The following HCN1 variants were observed in gnomAD, a reference collection of about 807,000 sequenced individuals.
HCN1 encodes potassium/sodium hyperpolarization-activated cyclic nucleotide-gated channel 1.
A neutral mutation model predicts 78.9 loss-of-function variants in HCN1; 13 were observed. That is an observed-to-expected ratio of 0.16 (90% CI 0.11 to 0.26). The LOEUF (loss-of-function observed/expected upper bound fraction) is 0.26, where lower values mean the gene tolerates loss of function less well. Ranked by LOEUF, HCN1 falls within the 10% of genes least tolerant of loss-of-function variation. The probability of loss-of-function intolerance (pLI) is 1.00; values close to 1 mark genes in which losing one functional copy is unlikely to be tolerated. For synonymous variants in HCN1, 552 were observed against 455.5 expected, an observed-to-expected ratio of 1.21 and a Z score of -2.70; for missense variants, 810 against 1,154.3, an observed-to-expected ratio of 0.70 and a Z score of 4.32.
intron 2 of HCN1, chr5:45,559,028 T>TGGGATTACA (rs2111872480): frequency 6.6e-6 from 1 of 150,492 alleles, no homozygotes; most frequent in African/African-American, 2.5e-5. Context: ...CCAAAACTCC[T>TGGGATTACA]GGGATTACAG....
At chr5:45,267,695 G>T (rs1047130712) in intron 6 of HCN1, among the ~76,000 whole-genome samples, 2 of 152,138 alleles carry the variant, frequency 1.3e-5, no homozygotes, top group Non-Finnish European at 2.9e-5. Context: ...TTGAACCTGG[G>T]AGGCAGAGGT....
rs1163915227 is a variant in HCN1, at chr5:45,571,744, G to A, written c.849+73441C>T. ...AGCCTGACTAACATGGTGAAACCCC[G>A]TCTCTACTAAATACAAAAAATTAGC... On this transcript the variant is annotated intron_variant, in intron 2 of 7. Coordinates refer to ENST00000303230, the MANE Select transcript of HCN1 (RefSeq NM_021072.4). 4.6e-5 allele frequency among the ~76,000 whole-genome samples: 7 copies of A among 152,046 alleles called. 1 individual carries two copies. The highest frequency in any genetic ancestry group is 3.9e-4 in the East Asian group (2 of 5,140).
At chr5:45,317,586 C>T (rs1487847668) in intron 5 of HCN1, among the ~76,000 whole-genome samples, 2 of 152,058 alleles carry the variant, frequency 1.3e-5, no homozygotes, top group East Asian at 1.9e-4. Context: ...AACTAAAGAG[C>T]TTCTGCACAG....
intron 4 of HCN1, among the ~76,000 whole-genome samples, chr5:45,373,637 A>G (rs1056673472): frequency 1.5e-5 from 2 of 134,856 alleles, no homozygotes; most frequent in Admixed American, 1.7e-4. Context: ...TACGGTATAT[A>G]CGTCATCTAT....
chr5:45,393,582 G>C (rs1476898052), intron 4 of HCN1, among the ~76,000 whole-genome samples: 1 of 152,094 alleles, frequency 6.6e-6, no homozygotes, highest in African/African-American at 2.4e-5. Flanking sequence ...TGGAGGCTTG[G>C]CATGAAGGTC....
chr5:45,322,494 C>A (rs948792047), intron 5 of HCN1, among the ~76,000 whole-genome samples: 4 of 151,758 alleles, frequency 2.6e-5, no homozygotes, highest in Non-Finnish European at 5.9e-5. Context: ...GTGGCAGATT[C>A]TTGATTTTTC....
At chr5:45,651,267 T>C (rs373134890) in intron 1 of HCN1, among the ~76,000 whole-genome samples, 13 of 151,978 alleles carry the variant, frequency 8.6e-5, no homozygotes, top group African/African-American at 3.1e-4. Flanking sequence ...TAACTTCTCA[T>C]GAAATATAGC....
chr5:45,625,332 A>C (rs183973219), intron 2 of HCN1, among the ~76,000 whole-genome samples: 103 of 151,738 alleles, frequency 6.8e-4, no homozygotes, highest in African/African-American at 1.9e-3. Flanking sequence ...CAAAACAAAA[A>C]AAACTATTAA....
chr5:45,300,781 T>A (rs969594419), intron 6 of HCN1, among the ~76,000 whole-genome samples: 1 of 152,078 alleles, frequency 6.6e-6, no homozygotes, highest in African/African-American at 2.4e-5. Context: ...CTCTTTCTTT[T>A]TCCCCTTCAT....
chr5:45,582,120 C>T (rs566937431), intron 2 of HCN1, among the ~76,000 whole-genome samples: 1 of 152,212 alleles, frequency 6.6e-6, no homozygotes, highest in South Asian at 2.1e-4. Flanking sequence ...GCAGTATGGC[C>T]ATTTTCACGG....
At chr5:45,485,395 A>T (rs557389308) in intron 2 of HCN1, among the ~76,000 whole-genome samples, 27 of 152,222 alleles carry the variant, frequency 1.8e-4, no homozygotes, top group East Asian at 3.9e-4. Context: ...GTACATAAAA[A>T]TTTTTTAGAA....
intron 5 of HCN1, among the ~76,000 whole-genome samples, chr5:45,350,939 G>A (rs1746885694): frequency 6.6e-6 from 1 of 152,126 alleles, no homozygotes; most frequent in Admixed American, 6.5e-5. Context: ...TCGTGAAAAT[G>A]GCCATACTGC....
intron 5 of HCN1, among the ~76,000 whole-genome samples, chr5:45,317,449 A>C (rs1746018511): frequency 6.6e-6 from 1 of 152,230 alleles, no homozygotes; most frequent in Non-Finnish European, 1.5e-5. Flanking sequence ...TAGACCTAAA[A>C]CCATAAAAAC....
intron 3 of HCN1, among the ~76,000 whole-genome samples, chr5:45,435,688 G>T (rs538842033): frequency 1.9e-4 from 29 of 152,116 alleles, no homozygotes; most frequent in South Asian, 6.2e-4. Flanking sequence ...AAGAAGAAAA[G>T]ATATTAAATG....
intron 2 of HCN1, among the ~76,000 whole-genome samples, chr5:45,464,300 T>A (rs1488176881): frequency 6.6e-6 from 1 of 152,124 alleles, no homozygotes; most frequent in East Asian, 1.9e-4. Context: ...GTTTTGCTAC[T>A]ATGCATTTTC....
At chr5:45,516,763 C>G (rs6863501) in intron 2 of HCN1, among the ~76,000 whole-genome samples, 37,152 of 151,728 alleles carry the variant, frequency 0.24, 4,660 homozygotes, top group East Asian at 0.32. Context: ...TGAAGTCTCT[C>G]TTATACTTTG....
intron 2 of HCN1, among the ~76,000 whole-genome samples, chr5:45,549,235 G>C (rs1175770668): frequency 6.6e-6 from 1 of 152,082 alleles, no homozygotes; most frequent in Non-Finnish European, 1.5e-5. Flanking sequence ...CACGCTACCT[G>C]ACTTCAAACT....
intron 2 of HCN1, among the ~76,000 whole-genome samples, chr5:45,522,165 G>C (rs1239268596): frequency 1.3e-5 from 2 of 151,744 alleles, no homozygotes; most frequent in East Asian, 1.9e-4. Flanking sequence ...TTTCTTAACA[G>C]TATTTCTAAT....
chr5:45,445,086 G>A (rs1236029674), intron 3 of HCN1, among the ~76,000 whole-genome samples: 1 of 152,216 alleles, frequency 6.6e-6, no homozygotes, highest in African/African-American at 2.4e-5. Context: ...GCGAGGCATT[G>A]CCTCACTTGG....
Sources: allele counts gnomAD v4.1 joint callset (sites outside exome capture counted in the v4.1 genomes callset), GRCh38; gene constraint gnomAD v4.1.1; transcripts MANE v1.5; gene names NCBI Gene and HGNC (gene_info 2026-07-23, HGNC 2026-07-21).